DCDC1: variants seen among roughly 807,000 people sequenced by gnomAD.
DCDC1 encodes doublecortin domain containing 1.
In DCDC1, 200 loss-of-function variants were observed where a neutral mutation model predicts 178.3. The observed-to-expected ratio is 1.12, with a 90% confidence interval of 1.00 to 1.26. The LOEUF (loss-of-function observed/expected upper bound fraction) is 1.26, where lower values mean the gene tolerates loss of function less well. DCDC1 is among the 50% of genes most tolerant of loss of function. The pLI is 0.00. For synonymous variants in DCDC1, 690 were observed against 604.8 expected (o/e 1.14, Z -2.07); for missense variants, 1,983 against 1,749.2 (o/e 1.13, Z -2.38).
chr11:31,020,031 T>TGTA (rs1239525232), intron 20 of DCDC1, among the ~76,000 whole-genome samples: 9 of 152,310 alleles, frequency 5.9e-5, no homozygotes, highest in African/African-American at 2.2e-4. Context: ...TGTAGCAATC[T>TGTA]GTAAGCATGT....
At chr11:30,880,759 C>G (rs1942586191) in intron 37 of DCDC1, among the ~76,000 whole-genome samples, 1 of 152,062 alleles carries the variant, frequency 6.6e-6, no homozygotes, top group Non-Finnish European at 1.5e-5. Context: ...AAAATATTTA[C>G]TTATTACTAA....
intron 1 of DCDC1, among the ~76,000 whole-genome samples, chr11:31,357,161 T>C (rs1951424671): frequency 6.6e-6 from 1 of 152,130 alleles, no homozygotes; most frequent in Non-Finnish European, 1.5e-5. Context: ...CCAATATCCC[T>C]GATGAACATT....
intron 9 of DCDC1, among the ~76,000 whole-genome samples, chr11:31,186,185 G>A (rs951927633): frequency 6.6e-6 from 1 of 151,898 alleles, no homozygotes; most frequent in Non-Finnish European, 1.5e-5. Flanking sequence ...CATGTGACCT[G>A]GCCCTCTCTT....
At chr11:31,257,108 A>G (rs1944456886) in intron 8 of DCDC1, among the ~76,000 whole-genome samples, 2 of 152,212 alleles carry the variant, frequency 1.3e-5, no homozygotes, top group African/African-American at 4.8e-5. Context: ...AGCGCTTTCA[A>G]GGATAACGGC....
chr11:30,972,693 G>T (rs1949871042), intron 20 of DCDC1, among the ~76,000 whole-genome samples: 1 of 152,082 alleles, frequency 6.6e-6, no homozygotes, highest in African/African-American at 2.4e-5. Flanking sequence ...ACAAAAATAA[G>T]TCCTCACATC....
intron 9 of DCDC1, among the ~76,000 whole-genome samples, chr11:31,181,885 A>C (rs1266668416): frequency 6.6e-6 from 1 of 152,226 alleles, no homozygotes; most frequent in Non-Finnish European, 1.5e-5. Flanking sequence ...ACCAGTTTAG[A>C]AAAGAACATA....
chr11:31,345,297 TGAA>T (rs778685232), intron 1 of DCDC1, among the ~76,000 whole-genome samples: 4 of 152,228 alleles, frequency 2.6e-5, no homozygotes, highest in Non-Finnish European at 4.4e-5. Context: ...AAAACTTTGT[TGAA>T]GAAGAGCTTG....
chr11:31,119,510 CAATGGAAATAACGT>C (rs1449833274), intron 11 of DCDC1, among the ~76,000 whole-genome samples: 1 of 152,010 alleles, frequency 6.6e-6, no homozygotes, highest in African/African-American at 2.4e-5. Context: ...AAGGAATGTA[CAATGGAAATAACGT>C]AATATGCACA....
intron 20 of DCDC1, among the ~76,000 whole-genome samples, chr11:31,043,505 T>A (rs1480277691): frequency 6.6e-6 from 1 of 152,200 alleles, no homozygotes; most frequent in Non-Finnish European, 1.5e-5. Flanking sequence ...AATGGATTTT[T>A]TTTTTCAGGT....
chr11:30,927,729 C>T (rs1946675046), intron 22 of DCDC1, among the ~76,000 whole-genome samples: 1 of 152,166 alleles, frequency 6.6e-6, no homozygotes, highest in African/African-American at 2.4e-5. Context: ...GATCATACCT[C>T]AGTTTTGTAC....
intron 9 of DCDC1, among the ~76,000 whole-genome samples, chr11:31,176,044 C>A (rs1967968082): frequency 6.6e-6 from 1 of 152,154 alleles, no homozygotes; most frequent in Admixed American, 6.5e-5. Flanking sequence ...TCTTCAATGA[C>A]AGATCACAAA....
chr11:31,082,680 ATGTG>A (rs1565259947), intron 17 of DCDC1, among the ~76,000 whole-genome samples: 4 of 152,106 alleles, frequency 2.6e-5, no homozygotes, highest in Admixed American at 2.0e-4. Context: ...ACACATATAT[ATGTG>A]TGTAATACAT....
intron 20 of DCDC1, among the ~76,000 whole-genome samples, chr11:30,998,213 G>A (rs1951379193): frequency 6.6e-6 from 1 of 152,056 alleles, no homozygotes; most frequent in Non-Finnish European, 1.5e-5. Flanking sequence ...AATCACTTGA[G>A]CCCAGGAATT....
intron 1 of DCDC1, among the ~76,000 whole-genome samples, chr11:31,349,193 A>G (rs910937315): frequency 6.6e-6 from 1 of 152,214 alleles, no homozygotes; most frequent in Non-Finnish European, 1.5e-5. Flanking sequence ...CTGTTGCCTT[A>G]TTCTATGCTA....
At chr11:31,351,739 C>G (rs949841897) in intron 1 of DCDC1, among the ~76,000 whole-genome samples, 1 of 152,110 alleles carries the variant, frequency 6.6e-6, no homozygotes, top group Admixed American at 6.5e-5. Flanking sequence ...GTTTAATATT[C>G]ACATGCATAA....
chr11:31,100,427 C>T (rs940930598), intron 15 of DCDC1, among the ~76,000 whole-genome samples: 1 of 152,242 alleles, frequency 6.6e-6, no homozygotes, highest in South Asian at 2.1e-4. Context: ...AATACCTATA[C>T]CAAAACACAA....
chr11:31,156,616 T>A (rs910890139), intron 9 of DCDC1, among the ~76,000 whole-genome samples: 9 of 152,208 alleles, frequency 5.9e-5, no homozygotes, highest in Non-Finnish European at 1.2e-4. Context: ...TCATACTAAA[T>A]CTTTGAAGTC....
At chr11:31,025,769 C>G (rs72882663) in intron 20 of DCDC1, among the ~76,000 whole-genome samples, 1 of 151,146 alleles carries the variant, frequency 6.6e-6, no homozygotes, top group Non-Finnish European at 1.5e-5. Context: ...AGTATTAATT[C>G]TCATCATAAT....
intron 20 of DCDC1, among the ~76,000 whole-genome samples, chr11:31,063,102 G>A (rs1317232802): frequency 6.6e-6 from 1 of 151,852 alleles, no homozygotes; most frequent in Non-Finnish European, 1.5e-5. Context: ...ATCAAAAAAT[G>A]CTCATCATCA....
Sources: gnomAD v4.1 joint callset for allele counts (sites outside exome capture counted in the v4.1 genomes callset) on GRCh38, gnomAD v4.1.1 for gene constraint, MANE v1.5 for transcripts, NCBI Gene and HGNC (gene_info 2026-07-23, HGNC 2026-07-21) for gene names.